HOOK3: variants seen among roughly 807,000 people sequenced by gnomAD.
The protein encoded by HOOK3 is hook microtubule tethering protein 3.
In HOOK3, 24 loss-of-function variants were observed where a neutral mutation model predicts 116.3. That is an observed-to-expected ratio of 0.21 (90% confidence interval 0.15 to 0.29). The LOEUF is 0.29. Ranked by LOEUF, HOOK3 falls within the 10% of genes least tolerant of loss-of-function variation. The pLI is 1.00. For missense variants in HOOK3, 632 were observed against 830.2 expected (o/e 0.76, Z 2.93); for synonymous variants, 275 against 283.0 (o/e 0.97, Z 0.28).
At chr8:42,979,283 G>T (rs1000838668) in intron 13 of HOOK3, among the ~76,000 whole-genome samples, 1 of 152,076 alleles carries the variant, frequency 6.6e-6, no homozygotes, top group Non-Finnish European at 1.5e-5. Context: ...AAAAGGAAAT[G>T]ATCCTTTTCT....
At chr8:42,919,725 G>A (rs1020547499) in intron 2 of HOOK3, among the ~76,000 whole-genome samples, 8 of 152,204 alleles carry the variant, frequency 5.3e-5, no homozygotes, top group Admixed American at 1.3e-4. Flanking sequence ...CAGATCACTC[G>A]CGGTCAGGAG....
chr8:42,937,108 A>T (rs1390929782), intron 4 of HOOK3, among the ~76,000 whole-genome samples: 1 of 152,030 alleles, frequency 6.6e-6, no homozygotes, highest in African/African-American at 2.4e-5. Context: ...TTCCTGGTTT[A>T]GTGTTTAGAG....
intron 4 of HOOK3, among the ~76,000 whole-genome samples, chr8:42,940,114 T>C (rs1808077311): frequency 6.6e-6 from 1 of 152,340 alleles, no homozygotes; most frequent in Non-Finnish European, 1.5e-5. Context: ...CTCGGCACTT[T>C]GGGAGGCCAA....
chr8:42,975,346 TGCCATG>T (rs1280593499), intron 13 of HOOK3, among the ~76,000 whole-genome samples: 2 of 152,232 alleles, frequency 1.3e-5, no homozygotes, highest in Non-Finnish European at 2.9e-5. Flanking sequence ...CCTAGTCTCT[TGCCATG>T]GCCTCATTCA....
At chr8:42,906,601 C>A (rs1318701279) in intron 2 of HOOK3, among the ~76,000 whole-genome samples, 1 of 152,164 alleles carries the variant, frequency 6.6e-6, no homozygotes, top group Non-Finnish European at 1.5e-5. Context: ...GAAATATCAT[C>A]TCATCAGTGG....
intron 18 of HOOK3, 49 bp downstream of exon 18, chr8:43,007,978 G>A: frequency 1.2e-6 from 1 of 857,968 alleles, no homozygotes; most frequent in Non-Finnish European, 1.9e-6. Flanking sequence ...GCTGTATACT[G>A]CCATAGTGAT....
Position 42,971,943 on chromosome 8 carries a change from A to T in HOOK3, c.1123-1346A>T, listed in dbSNP as rs1808735440. 2.0e-5 allele frequency among the ~76,000 whole-genome samples: 3 copies of T among 152,250 alleles called. No individual in the cohort carries two copies. The South Asian group carries it at 6.2e-4, about 32-fold the overall frequency. ...GGCAATCTGCCCACCTCAGTCACCC[A>T]AAGTGCTAGGCTTACAGGTGTGAGC... is the stretch of plus-strand genomic sequence containing the variant. On this transcript the variant is annotated intron_variant, in intron 11 of 21. Transcript: ENST00000307602.
At chr8:42,956,386 T>C (rs1808437205) in intron 6 of HOOK3, among the ~76,000 whole-genome samples, 1 of 152,130 alleles carries the variant, frequency 6.6e-6, no homozygotes, top group African/African-American at 2.4e-5. Context: ...TGTAGCCACA[T>C]TTTAATTTTA....
rs549558722 is a variant in HOOK3 at position 42,913,507 on chromosome 8, C to G, written c.143+7249C>G. On this transcript the variant is annotated intron_variant, in intron 2 of 21. Transcript: ENST00000307602. ...TATGGATATACCACAATTTACATATCCATTCATCTGTTGATGAACATGTGG... is the reference window on the plus strand; with the variant it reads ...TATGGATATACCACAATTTACATATGCATTCATCTGTTGATGAACATGTGG... Among the ~76,000 whole-genome samples the G allele has an allele frequency of 8.5e-5, 13 of 152,314 alleles. No homozygotes were observed. In the South Asian group the frequency reaches 2.5e-3, roughly 29 times the overall value.
chr8:42,935,324 C>T (rs956086444), intron 4 of HOOK3, among the ~76,000 whole-genome samples: 3 of 151,422 alleles, frequency 2.0e-5, no homozygotes, highest in Non-Finnish European at 2.9e-5. Context: ...CAGAAATTTT[C>T]TCCCATTCTG....
At chr8:42,901,058 T>TAA (rs1807176355) in intron 1 of HOOK3, among the ~76,000 whole-genome samples, 1 of 152,218 alleles carries the variant, frequency 6.6e-6, no homozygotes, top group Non-Finnish European at 1.5e-5. Flanking sequence ...GCGCTATGTT[T>TAA]AATAGTAGCA....
intron 3 of HOOK3, among the ~76,000 whole-genome samples, chr8:42,927,849 C>T (rs903224704): frequency 2.6e-5 from 4 of 152,168 alleles, no homozygotes; most frequent in Non-Finnish European, 5.9e-5. Context: ...AGCCATCCTC[C>T]TGCCTCAACC....
chr8:43,005,214 A>AAT (rs1809459279), intron 17 of HOOK3, among the ~76,000 whole-genome samples: 36 of 63,186 alleles, frequency 5.7e-4, no homozygotes, highest in East Asian at 1.6e-3. Flanking sequence ...TATATATATA[A>AAT]TTTTTTTTTT....
At chr8:42,926,808 C>G (rs1053537917) in intron 3 of HOOK3, among the ~76,000 whole-genome samples, 1 of 152,172 alleles carries the variant, frequency 6.6e-6, no homozygotes, top group African/African-American at 2.4e-5. Flanking sequence ...AGCTCTGTCT[C>G]ATGTGTAGCT....
At position 42,982,694 on chromosome 8, in the gene HOOK3, C is replaced by G. The variant is rs377717857; in HGVS notation, c.1389C>G (p.Ile463Met). ...CTGCAGAGATTGTTACACCTGAAAT[C>G]AGGTAAGGAGATTGTGGTGTTCACA... ...SLAAEIVTPE[I>M]REKLIRLQHE... The change falls in exon 14 of 22, where the codon ATC becomes ATG. Residue 463 changes from isoleucine (I) to methionine (M), a missense_variant and splice_region_variant. Ile to Met is a conservative substitution (Grantham distance 10, BLOSUM62 1). This residue lies in a region of HOOK3 where 483 missense variants were observed against 648.1 expected (regional missense o/e 0.75). Coordinates refer to ENST00000307602, the MANE Select transcript of HOOK3 (RefSeq NM_032410.4). The G allele has an allele frequency of 3.1e-6, 5 of 1,606,718 alleles. No individual in the cohort carries two copies. The African/African-American group carries it at 6.7e-5, about 21-fold the overall frequency.
intron 1 of HOOK3, 109 bp downstream of exon 1, chr8:42,897,297 T>C: frequency 1.5e-5 from 7 of 479,778 alleles, no homozygotes; most frequent in East Asian, 5.3e-5. Context: ...TGCCGTCACA[T>C]CCGGGGCCTG....
chr8:43,011,215 G>C (rs763189282), intron 19 of HOOK3, among the ~76,000 whole-genome samples: 1 of 152,070 alleles, frequency 6.6e-6, no homozygotes, highest in Non-Finnish European at 1.5e-5. Context: ...GGATGGGCTT[G>C]ATCTCCTGAC....
At position 42,992,121 on chromosome 8, in the gene HOOK3, C is replaced by T. The variant is rs531441125; in HGVS notation, c.1532+5326C>T. ...CTATAGAAATGTTACTGATTTTTGG[C>T]TGGGCCCGGTGTTTCATGCCTGTAA... On this transcript the variant is annotated intron_variant, in intron 15 of 21. Coordinates refer to ENST00000307602, the MANE Select transcript of HOOK3 (RefSeq NM_032410.4). Among the ~76,000 whole-genome samples the T allele has an allele frequency of 8.5e-4, 129 of 152,180 alleles. 1 individual carries two copies. Among genetic ancestry groups the T allele is most frequent in the Middle Eastern group, 3.4e-3 (1 of 294 alleles).
chr8:43,025,359 C>G lies in HOOK3; in HGVS notation c.*6861C>G, dbSNP rs1363004812. Reference sequence around the variant, plus strand: ...GGAAGGCTATTAAGGCAAATTCATTCCTAGAAAGTGGAGTGGATCATTGGG... The same window carrying G: ...GGAAGGCTATTAAGGCAAATTCATTGCTAGAAAGTGGAGTGGATCATTGGG... On this transcript the variant is annotated 3_prime_UTR_variant, in exon 22 of 22. Coordinates refer to ENST00000307602, the MANE Select transcript of HOOK3 (RefSeq NM_032410.4). 4.7e-6 allele frequency: 1 copy of G among 211,912 alleles called. No homozygotes were observed. Among genetic ancestry groups the G allele is most frequent in the East Asian group, 7.2e-5 (1 of 13,962 alleles). The allele number at this position is 211,912 out of a possible 1,614,324, so 13.1% of individuals were successfully genotyped here.
Sources: allele counts gnomAD v4.1 joint callset (sites outside exome capture counted in the v4.1 genomes callset), GRCh38; gene constraint gnomAD v4.1.1; regional missense constraint gnomAD v4.1.1; transcripts MANE v1.5; gene names NCBI Gene and HGNC (gene_info 2026-07-23, HGNC 2026-07-21).